The following IKZF4 variants were observed in gnomAD, a reference collection of about 807,000 sequenced individuals.
The protein encoded by IKZF4 is zinc finger protein Eos.
Under a neutral mutation model 47.7 loss-of-function variants are expected in IKZF4, and 11 were observed. The observed-to-expected ratio is 0.23, with a 90% CI of 0.15 to 0.38. The LOEUF is 0.38. Ranked by LOEUF, IKZF4 falls within the 10% of genes least tolerant of loss-of-function variation. The pLI, the probability that IKZF4 is intolerant of heterozygous loss-of-function variation, is 1.00. For missense variants in IKZF4, 557 were observed against 784.9 expected (o/e 0.71, Z 3.47); for synonymous variants, 298 against 299.4 (o/e 1.00, Z 0.05).
At chr12:56,024,712 GT>G in intron 2 of IKZF4, 1 of 1,178,110 alleles carries the variant, frequency 8.5e-7, no homozygotes, top group Non-Finnish European at 1.1e-6. Flanking sequence ...AAGAATGTCT[GT>G]CCTGAACATC....
chr12:56,034,482 G>C, intron 7 of IKZF4, 89 bp from the exon 8 acceptor site: 3 of 1,348,174 alleles, frequency 2.2e-6, no homozygotes, highest in Non-Finnish European at 3.0e-6. Flanking sequence ...GTTACACCCA[G>C]CCCCACAGGT....
Position 56,024,929 on chromosome 12 carries a change from T to C in IKZF4, c.182-125T>C. ...AGGTATGGTGCCCAGCATACAACAC[T>C]GCTTTGTACATGGCTATGAAGGAAA... On this transcript the variant is annotated intron_variant, in intron 2 of 7. Coordinates refer to ENST00000547167, the MANE Select transcript of IKZF4 (RefSeq NM_022465.4). 4.6e-6 allele frequency: 7 copies of C among 1,528,982 alleles called. No homozygotes were observed. In the South Asian group the frequency reaches 6.0e-5, roughly 13 times the overall value. The allele number at this position is 1,528,982 out of a possible 1,614,324, so 94.7% of individuals were successfully genotyped here.
At chr12:56,032,754 G>A (rs1300275494) in intron 6 of IKZF4, 44 bp downstream of exon 6, 7 of 1,606,156 alleles carry the variant, frequency 4.4e-6, no homozygotes, top group African/African-American at 1.3e-5. Context: ...AGGGGATGGT[G>A]AGAGGGAGTG....
rs188566366 is a variant in IKZF4 at position 56,038,310 on chromosome 12, T to C, written c.*2979T>C. On this transcript the variant is annotated 3_prime_UTR_variant, in exon 8 of 8. Coordinates refer to ENST00000547167, the MANE Select transcript of IKZF4 (RefSeq NM_022465.4). ...GAGTTAAACTAGCTTTTGAGACTTA[T>C]TGCAAAGCATTTTGTATATGTAATA... The C allele has an allele frequency of 1.6e-4, 24 of 152,690 alleles. 1 individual carries two copies. The highest frequency in any genetic ancestry group is 1.6e-4 in the Non-Finnish European group (11 of 68,034). 9.5% of individuals were successfully genotyped at this position (152,690 alleles called of 1,614,324 possible).
In IKZF4 at chr12:56,034,770, C is replaced by G; in HGVS notation, c.1197C>G (p.Ile399Met). Reference sequence around the variant, plus strand: ...GCATCTCAGAACTCACGCCTGTCATCAGCTCTGTCTACACCCAGATGCAGC... The same window carrying G: ...GCATCTCAGAACTCACGCCTGTCATGAGCTCTGTCTACACCCAGATGCAGC... ...TNCISELTPV[I>M]SSVYTQMQPL... The change falls in exon 8 of 8, where the codon ATC becomes ATG. Residue 399 changes from isoleucine (I) to methionine (M), a missense_variant. Physicochemically the swap from Ile to Met is conservative, Grantham distance 10. Transcript: ENST00000547167. 6.2e-7 allele frequency: 1 copy of G among 1,614,082 alleles called. No homozygotes were observed. The highest frequency in any genetic ancestry group is 8.5e-7 in the Non-Finnish European group (1 of 1,179,900).
intron 2 of IKZF4, among the ~76,000 whole-genome samples, chr12:56,015,832 A>C (rs1891970884): frequency 6.6e-6 from 1 of 152,146 alleles, no homozygotes; most frequent in Non-Finnish European, 1.5e-5. Context: ...CTAGTTCCAG[A>C]GAGTCTGAGT....
intron 1 of IKZF4, among the ~76,000 whole-genome samples, chr12:56,008,197 G>T (rs1890930115): frequency 6.6e-6 from 1 of 152,206 alleles, no homozygotes; most frequent in Non-Finnish European, 1.5e-5. Context: ...GATCTGGGAG[G>T]CAATGAGCAT....
At chr12:56,033,939 G>A (rs199881546) in intron 7 of IKZF4, among the ~76,000 whole-genome samples, 50 of 151,882 alleles carry the variant, frequency 3.3e-4, no homozygotes, top group African/African-American at 9.2e-4. Flanking sequence ...TTGCTCTGTC[G>A]CCCAGGCTAG....
At chr12:56,032,361 C>A in intron 5 of IKZF4, 200 bp from the exon 6 acceptor site, 1 of 573,280 alleles carries the variant, frequency 1.7e-6, no homozygotes, top group Non-Finnish European at 3.0e-6. Flanking sequence ...CCCATAACTG[C>A]ACATTATCCT....
upstream of IKZF4, among the ~76,000 whole-genome samples, chr12:56,018,424 A>G (rs570970010): frequency 6.6e-6 from 1 of 152,328 alleles, no homozygotes; most frequent in Admixed American, 6.5e-5. Context: ...ATGAGCAGAC[A>G]TCATTAGAAG....
chr12:56,027,205 CGAG>C (rs1382299950), intron 4 of IKZF4, among the ~76,000 whole-genome samples, 164 bp downstream of exon 4: 4 of 147,672 alleles, frequency 2.7e-5, no homozygotes, highest in Non-Finnish European at 4.5e-5. Context: ...GCTGACAAAA[CGAG>C]GCAGGGTGGG....
At position 56,021,509 on chromosome 12, in the gene IKZF4, G is replaced by A. The variant is rs200990134; in HGVS notation, c.16G>A (p.Ala6Thr). Residue 6 changes from alanine to threonine, a missense_variant, in exon 1 of 8, where the codon GCA becomes ACA. Physicochemically the swap from Ala to Thr is moderately conservative, Grantham distance 58. Transcript: ENST00000547167. ...AGACGCAGACATGCATACACCACCC[G>A]CACTCCCTCGCCGTTTCCAAGGCGG... MHTPP[A>T]LPRRFQGGGR... is the part of the protein sequence containing the mutation. 1.1e-5 allele frequency: 18 copies of A among 1,604,760 alleles called. No homozygotes were observed. The highest frequency in any genetic ancestry group is 6.8e-5 in the Admixed American group (4 of 58,894).
upstream of IKZF4, chr12:56,018,242 A>G: frequency 8.3e-7 from 1 of 1,204,326 alleles, no homozygotes; most frequent in Non-Finnish European, 1.1e-6. Flanking sequence ...AGAGCAGAGC[A>G]GAGAGCCTTC....
chr12:56,021,620 G>A (rs765221096), intron 1 of IKZF4, 40 bp downstream of exon 1: 3 of 1,568,376 alleles, frequency 1.9e-6, no homozygotes, highest in Non-Finnish European at 2.6e-6. Flanking sequence ...GGGAGGAAGG[G>A]GGGTGCTGGG....
At chr12:56,019,399 C>G, upstream of IKZF4, 1 of 983,494 alleles carries the variant, frequency 1.0e-6, no homozygotes, top group Non-Finnish European at 1.2e-6. Context: ...TCATTGGCAA[C>G]ACCCGGGTAA....
chr12:56,033,850 G>A (rs756131827), intron 7 of IKZF4, among the ~76,000 whole-genome samples: 14 of 152,172 alleles, frequency 9.2e-5, no homozygotes, highest in South Asian at 2.1e-4. Context: ...GAAGACTCTC[G>A]TGGTGGTTGT....
Position 56,034,610 on chromosome 12 carries a change from A to G in IKZF4, c.1037A>G (p.Tyr346Cys), listed in dbSNP as rs373048651. The change falls in exon 8 of 8, where the codon TAT (tyrosine) becomes TGT (cysteine). Residue 346 changes from tyrosine (Y) to cysteine (C), a missense_variant. Physicochemically the swap from Tyr to Cys is radical, Grantham distance 194. Around this residue, in one of 6 missense-constraint regions of IKZF4, gnomAD observed 280 missense variants for 314.0 expected, o/e 0.89. Coordinates refer to ENST00000547167, the MANE Select transcript of IKZF4 (RefSeq NM_022465.4). The stretch of plus-strand genomic sequence containing the variant: ...CGCTTCAGCCTCTCAGACCTCCCCT[A>G]TGATGTGAACTCGGGTGGCTATGAA... ...QMRFSLSDLPYDVNSGGYEKD... is the reference protein window; with the variant it reads ...QMRFSLSDLPCDVNSGGYEKD... The G allele has an allele frequency of 4.6e-5, 75 of 1,613,750 alleles. No individual in the cohort carries two copies. The South Asian group carries it at 5.6e-4, about 12-fold the overall frequency.
At chr12:56,028,675 T>G (rs1239733892) in intron 5 of IKZF4, among the ~76,000 whole-genome samples, 1 of 152,000 alleles carries the variant, frequency 6.6e-6, no homozygotes, top group Non-Finnish European at 1.5e-5. Flanking sequence ...CTTGATCTCC[T>G]GAGCTCAAGC....
At chr12:56,033,122 G>T in intron 6 of IKZF4, 68 bp from the exon 7 acceptor site, 5 of 1,582,408 alleles carry the variant, frequency 3.2e-6, no homozygotes, top group Non-Finnish European at 4.3e-6. Context: ...TTTTCTCCAG[G>T]CAAAGGCTGT....
Sources: allele counts gnomAD v4.1 joint callset (sites outside exome capture counted in the v4.1 genomes callset), GRCh38; gene constraint gnomAD v4.1.1; regional missense constraint gnomAD v4.1.1; transcripts MANE v1.5; gene names NCBI Gene and HGNC (gene_info 2026-07-23, HGNC 2026-07-21).